AFDN: variants seen among roughly 807,000 people sequenced by gnomAD.
The protein encoded by AFDN is afadin.
In AFDN, 68 loss-of-function variants were observed where a neutral mutation model predicts 216.6. The observed-to-expected ratio is 0.31, with a 90% CI of 0.26 to 0.38. The LOEUF (loss-of-function observed/expected upper bound fraction) is 0.38, where lower values mean the gene tolerates loss of function less well. AFDN is among the 10% of genes least tolerant of loss of function. AFDN has a pLI of 1.00. For missense variants in AFDN, 2,136 were observed against 2,342.0 expected, an observed-to-expected ratio of 0.91 and a Z score of 1.82; for synonymous variants, 868 against 853.7, an observed-to-expected ratio of 1.02 and a Z score of -0.29.
intron 1 of AFDN, among the ~76,000 whole-genome samples, chr6:167,850,657 TAAA>T (rs978607298): frequency 3.9e-5 from 6 of 152,200 alleles, no homozygotes; most frequent in East Asian, 1.9e-4. Flanking sequence ...TTCACATACT[TAAA>T]GAAGAATCTT....
rs576435831 is a variant in AFDN, at chr6:167,959,859, G to C, written c.4834-2574G>C. Among the ~76,000 whole-genome samples, 5 of 152,256 alleles carry C rather than the reference G, an allele frequency of 3.3e-5. No individual in the cohort carries two copies. In the South Asian group the frequency reaches 1.0e-3, roughly 32 times the overall value. ...AATAACTTTCAGTCTGCATGGTCTT[G>C]ATTCATCGGGTAATAGTTATTTTTT... is the stretch of plus-strand genomic sequence containing the variant. On this transcript the variant is annotated intron_variant, in intron 30 of 33. Coordinates refer to ENST00000683244, the MANE Select transcript of AFDN (RefSeq NM_001386888.1).
At chr6:167,848,888 T>A (rs901966696) in intron 1 of AFDN, among the ~76,000 whole-genome samples, 6 of 152,252 alleles carry the variant, frequency 3.9e-5, no homozygotes, top group Non-Finnish European at 7.3e-5. Context: ...TATTATTGTA[T>A]AGTACAATGA....
chr6:167,896,112 G>C (rs1331766015), intron 9 of AFDN, among the ~76,000 whole-genome samples: 1 of 151,922 alleles, frequency 6.6e-6, no homozygotes, highest in Non-Finnish European at 1.5e-5. Context: ...GGTGTATTGG[G>C]ACTAGAGGGC....
At position 167,943,996 on chromosome 6, in the gene AFDN, C is replaced by A. The variant is rs1794987652; in HGVS notation, c.3295C>A (p.Gln1099Lys). The change falls in exon 26 of 34, where the codon CAG becomes AAG. Residue 1099 changes from glutamine to lysine, a missense_variant. By Grantham distance (53) the Gln-to-Lys change is moderately conservative. Around this residue, in one of 8 missense-constraint regions of AFDN, gnomAD observed 74 missense variants for 98.8 expected, o/e 0.75. Coordinates refer to ENST00000683244, the MANE Select transcript of AFDN (RefSeq NM_001386888.1). ...TGTGGTGACACTGGAAGTAGCAAAG[C>A]AGGGTGCCATCTACCACGGTCTGGC... The part of the protein sequence containing the change: ...SSVVTLEVAK[Q>K]GAIYHGLATL... The A allele has an allele frequency of 6.2e-7, 1 of 1,614,192 alleles. No homozygotes were observed. The highest frequency in any genetic ancestry group is 1.7e-5 in the Admixed American group (1 of 60,026).
At chr6:167,876,782 T>C (rs564203748) in intron 5 of AFDN, among the ~76,000 whole-genome samples, 3,000 of 152,274 alleles carry the variant, frequency 0.02, 55 homozygotes, top group Non-Finnish European at 0.033. Context: ...TTTTTTTTTT[T>C]ACGATAAAAT....
chr6:167,845,775 T>C (rs1562541615), intron 1 of AFDN, among the ~76,000 whole-genome samples: 1 of 152,184 alleles, frequency 6.6e-6, no homozygotes, highest in African/African-American at 2.4e-5. Flanking sequence ...ACCCAAAATA[T>C]CTTAGTGTAT....
At chr6:167,909,686 GATTT>G (rs1252534174) in intron 13 of AFDN, among the ~76,000 whole-genome samples, 1 of 152,022 alleles carries the variant, frequency 6.6e-6, no homozygotes, top group Non-Finnish European at 1.5e-5. Flanking sequence ...CACCAAATAA[GATTT>G]ATTTGAGTAA....
intron 4 of AFDN, among the ~76,000 whole-genome samples, chr6:167,874,557 G>A (rs1785129842): frequency 6.9e-6 from 1 of 145,236 alleles, no homozygotes; most frequent in Admixed American, 6.8e-5. Context: ...TCTTTTAGGT[G>A]TTAAAAAAAA....
intron 31 of AFDN, chr6:167,963,572 T>A: frequency 6.6e-6 from 7 of 1,058,064 alleles, no homozygotes; most frequent in Non-Finnish European, 8.0e-6. Context: ...TTGATAGACA[T>A]GATGTGACTT....
Position 167,951,192 on chromosome 6 carries a change from A to G in AFDN, c.3838A>G (p.Thr1280Ala). 6.4e-7 allele frequency: 1 copy of G among 1,552,382 alleles called. No homozygotes were observed. The highest frequency in any genetic ancestry group is 1.3e-5 in the South Asian group (1 of 79,946). ...NHSSIAIQRV[T>A]RSQEELREDK... ...ATTCTTTTTCTTTTTGCAGCGTGTT[A>G]CACGTTCCCAAGAAGAACTTCGAGA... The change falls in exon 30 of 34, where the codon ACA becomes GCA. Residue 1280 changes from threonine (T) to alanine (A), a missense_variant. Thr to Ala is a moderately conservative substitution (Grantham distance 58). Transcript: ENST00000683244. The surrounding 1 kb of genome is among the most constrained non-coding windows in gnomAD (Gnocchi z 7.1).
intron 6 of AFDN, among the ~76,000 whole-genome samples, chr6:167,887,816 A>G (rs1274692667): frequency 6.6e-6 from 1 of 152,030 alleles, no homozygotes; most frequent in African/African-American, 2.4e-5. Flanking sequence ...TATTTTATCT[A>G]TTTAATTATT....
At chr6:167,838,974 A>G (rs904105567) in intron 1 of AFDN, among the ~76,000 whole-genome samples, 1 of 152,154 alleles carries the variant, frequency 6.6e-6, no homozygotes, top group Admixed American at 6.5e-5. Flanking sequence ...CCTTATTTCT[A>G]TCGGTTTAAT....
intron 6 of AFDN, among the ~76,000 whole-genome samples, chr6:167,884,145 C>T (rs1301501838): frequency 6.6e-6 from 1 of 152,206 alleles, no homozygotes; most frequent in Non-Finnish European, 1.5e-5. Context: ...GAGATTGCAG[C>T]ATTTCAGTCA....
At chr6:167,857,822 A>C (rs1230392359) in intron 1 of AFDN, among the ~76,000 whole-genome samples, 1 of 152,112 alleles carries the variant, frequency 6.6e-6, no homozygotes, top group Non-Finnish European at 1.5e-5. Flanking sequence ...TTGAGAACCA[A>C]CTCATAGCCT....
chr6:167,845,788 G>C (rs1402524054), intron 1 of AFDN, among the ~76,000 whole-genome samples: 1 of 152,130 alleles, frequency 6.6e-6, no homozygotes, highest in Non-Finnish European at 1.5e-5. Context: ...TAGTGTATTA[G>C]TCTGTTTTTA....
At chr6:167,918,468 A>G (rs1791383113) in intron 20 of AFDN, among the ~76,000 whole-genome samples, 1 of 152,194 alleles carries the variant, frequency 6.6e-6, no homozygotes, top group Non-Finnish European at 1.5e-5. Context: ...CTTTTTATTT[A>G]AAGCTACACG....
intron 2 of AFDN, among the ~76,000 whole-genome samples, chr6:167,866,670 T>A (rs1435068814): frequency 1.3e-5 from 2 of 152,178 alleles, no homozygotes; most frequent in Non-Finnish European, 2.9e-5. Context: ...AGCCCTGACT[T>A]CTTGTCCATG....
chr6:167,938,259 A>G (rs997552757), intron 23 of AFDN, among the ~76,000 whole-genome samples: 16 of 151,434 alleles, frequency 1.1e-4, no homozygotes, highest in Admixed American at 1.0e-3. Context: ...AACATGAGTC[A>G]GATAGAATGG....
intron 14 of AFDN, 58 bp downstream of exon 14, chr6:167,911,220 C>T (rs1269778852): frequency 1.2e-6 from 2 of 1,600,660 alleles, no homozygotes; most frequent in Non-Finnish European, 1.7e-6. Flanking sequence ...TTTACTCCAT[C>T]TGATTTTCAC....
Sources: gnomAD v4.1 joint callset for allele counts (sites outside exome capture counted in the v4.1 genomes callset) on GRCh38, gnomAD v4.1.1 for gene constraint, gnomAD v4.1.1 regional missense constraint, Gnocchi (gnomAD v3.1) non-coding constraint, MANE v1.5 for transcripts, NCBI Gene and HGNC (gene_info 2026-07-23, HGNC 2026-07-21) for gene names.